OS9: variants seen among roughly 807,000 people sequenced by gnomAD.
OS9 encodes protein OS-9.
A neutral mutation model predicts 84.7 loss-of-function variants in OS9; 58 were observed. That is an observed-to-expected ratio of 0.68 (90% CI 0.55 to 0.85). OS9 has a LOEUF of 0.85. Among genes scored for constraint, OS9 ranks in the 40% least tolerant of loss-of-function variants. The pLI is 0.00. For synonymous variants in OS9, 278 were observed against 320.8 expected, an observed-to-expected ratio of 0.87 and a Z score of 1.43; for missense variants, 760 against 850.9, an observed-to-expected ratio of 0.89 and a Z score of 1.33.
rs536153334 is a variant in OS9, at chr12:57,708,817, G to A, written c.580-6943G>A. Among the ~76,000 whole-genome samples, 4 of 152,288 alleles carry A rather than the reference G, an allele frequency of 2.6e-5. No homozygotes were observed. In the South Asian group the frequency reaches 6.2e-4, roughly 24 times the overall value. ...GGATATGTAAATTGAGTTCCTGGAA[G>A]TAAGTTTGTGTAGTTTTGCTATGTG... On this transcript the variant is annotated intron_variant, in intron 5 of 14. Transcript: ENST00000315970.
intron 5 of OS9, among the ~76,000 whole-genome samples, chr12:57,705,800 G>A (rs1024091459): frequency 1.3e-5 from 2 of 152,122 alleles, no homozygotes; most frequent in Non-Finnish European, 2.9e-5. Flanking sequence ...TGGGATTACA[G>A]GCAATGAGCC....
intron 5 of OS9, among the ~76,000 whole-genome samples, chr12:57,710,051 C>G (rs2140316355): frequency 6.6e-6 from 1 of 152,208 alleles, no homozygotes; most frequent in African/African-American, 2.4e-5. Context: ...TGGGGTTTCG[C>G]CATGTTGGCC....
At chr12:57,703,668 T>G (rs1954085834) in intron 5 of OS9, among the ~76,000 whole-genome samples, 1 of 152,246 alleles carries the variant, frequency 6.6e-6, no homozygotes, top group Non-Finnish European at 1.5e-5. Flanking sequence ...TGTATTAAGA[T>G]TTAAGTCAGG....
chr12:57,694,869 A>T lies in OS9; in HGVS notation c.282A>T (p.Gln94His). The part of the protein sequence containing the change: ...REREEETPAY[Q>H]GPGIPELLSP... ...GGGAGGAGGAAACACCTGCTTACCA[A>T]GGGCCTGGGATCCCTGAGTTGTTGA... Residue 94 changes from glutamine (Q) to histidine (H), a missense_variant, in exon 2 of 15, where the codon CAA becomes CAT. Coordinates refer to ENST00000315970, the MANE Select transcript of OS9 (RefSeq NM_006812.4). 6.2e-7 allele frequency: 1 copy of T among 1,614,144 alleles called. No individual in the cohort carries two copies. The highest frequency in any genetic ancestry group is 1.1e-5 in the South Asian group (1 of 91,082).
chr12:57,701,517 C>A (rs547837131), intron 5 of OS9, among the ~76,000 whole-genome samples: 1 of 151,816 alleles, frequency 6.6e-6, no homozygotes, highest in South Asian at 2.1e-4. Context: ...CTCAAGTGAT[C>A]CACCCACCTT....
At chr12:57,701,249 C>T (rs561633575) in intron 5 of OS9, among the ~76,000 whole-genome samples, 1 of 144,194 alleles carries the variant, frequency 6.9e-6, no homozygotes, top group Admixed American at 7.0e-5. Context: ...TGACATGGAA[C>T]TCTGGTTGAG....
intron 2 of OS9, chr12:57,695,466 A>G (rs1194915776): frequency 3.6e-6 from 2 of 560,562 alleles, no homozygotes; most frequent in Non-Finnish European, 6.6e-6. Flanking sequence ...ATGTTTCCCT[A>G]ATATAATTGC....
rs968851030 is a variant in OS9 at position 57,719,325 on chromosome 12, G to A, written c.1600+143G>A. 8.1e-5 allele frequency: 54 copies of A among 667,780 alleles called. 1 individual carries two copies. Among genetic ancestry groups the A allele is most frequent in the Non-Finnish European group, 1.0e-4 (40 of 388,866 alleles). 41.4% of individuals were successfully genotyped at this position (667,780 alleles called of 1,614,324 possible). On this transcript the variant is annotated intron_variant, in intron 12 of 14. Coordinates refer to ENST00000315970, the MANE Select transcript of OS9 (RefSeq NM_006812.4). Reference sequence around the variant, plus strand: ...TTTCTGGAACACTGTCCTCACTTGCGCCTGCTTCCCAACACCATCATCCCT... The same window carrying A: ...TTTCTGGAACACTGTCCTCACTTGCACCTGCTTCCCAACACCATCATCCCT...
At chr12:57,714,529 T>C (rs1453326765) in intron 5 of OS9, among the ~76,000 whole-genome samples, 1 of 152,008 alleles carries the variant, frequency 6.6e-6, no homozygotes, top group African/African-American at 2.4e-5. Flanking sequence ...TAAATTTTCA[T>C]CAGTAATGGA....
chr12:57,697,335 G>A (rs1202659519), intron 5 of OS9, among the ~76,000 whole-genome samples: 3 of 152,238 alleles, frequency 2.0e-5, no homozygotes, highest in Non-Finnish European at 4.4e-5. Context: ...AACCTTCAAT[G>A]TTTCTGCCTT....
intron 5 of OS9, among the ~76,000 whole-genome samples, chr12:57,714,480 C>T (rs1954424784): frequency 6.6e-6 from 1 of 152,236 alleles, no homozygotes; most frequent in African/African-American, 2.4e-5. Flanking sequence ...GCTGGGATTA[C>T]AGGTGTGAGC....
chr12:57,710,305 C>T lies in OS9; in HGVS notation c.580-5455C>T, dbSNP rs528039206. Among the ~76,000 whole-genome samples, 35 of 152,244 alleles carry T rather than the reference C, an allele frequency of 2.3e-4. No homozygotes were observed. In the South Asian group the frequency reaches 6.6e-3, roughly 29 times the overall value. On this transcript the variant is annotated intron_variant, in intron 5 of 14. Coordinates refer to ENST00000315970, the MANE Select transcript of OS9 (RefSeq NM_006812.4). ...TTATTGGCATAAAGTTCATTGTATT[C>T]TTCTATCTTTTTAATCTCTGTGGCA... is the stretch of plus-strand genomic sequence containing the variant.
intron 12 of OS9, 78 bp downstream of exon 12, chr12:57,719,260 C>T: frequency 2.4e-6 from 3 of 1,241,654 alleles, no homozygotes; most frequent in Non-Finnish European, 3.4e-6. Context: ...CAGAGGGGAC[C>T]CTGTTCCTTC....
chr12:57,718,050 C>A (rs897476409), intron 10 of OS9, 92 bp downstream of exon 10: 234 of 1,516,810 alleles, frequency 1.5e-4, no homozygotes, highest in Middle Eastern at 1.7e-4. Flanking sequence ...CTCCTGGGTC[C>A]CCCAGTACCA....
At chr12:57,712,948 C>T (rs1954374595) in intron 5 of OS9, among the ~76,000 whole-genome samples, 1 of 152,064 alleles carries the variant, frequency 6.6e-6, no homozygotes, top group African/African-American at 2.4e-5. Context: ...CATTCATTGC[C>T]AACTAATTGC....
At chr12:57,706,568 A>C (rs1954172857) in intron 5 of OS9, among the ~76,000 whole-genome samples, 1 of 152,084 alleles carries the variant, frequency 6.6e-6, no homozygotes, top group African/African-American at 2.4e-5. Context: ...AAGGTTAGGT[A>C]GGGTCGGGTG....
At position 57,720,979 on chromosome 12, in the gene OS9, C is replaced by T; in HGVS notation, c.*70C>T. The T allele has an allele frequency of 1.3e-6, 2 of 1,571,358 alleles. No individual in the cohort carries two copies. The highest frequency in any genetic ancestry group is 1.7e-6 in the Non-Finnish European group (2 of 1,145,060). On this transcript the variant is annotated 3_prime_UTR_variant, in exon 15 of 15. Coordinates refer to ENST00000315970, the MANE Select transcript of OS9 (RefSeq NM_006812.4). ...GGACTGGCTTGCCTCCTCCCCACCT[C>T]CCCACCCTGGAACCCCTGAGGGCCA...
intron 5 of OS9, among the ~76,000 whole-genome samples, chr12:57,698,307 C>G (rs932662392): frequency 6.6e-6 from 1 of 151,944 alleles, no homozygotes; most frequent in Admixed American, 6.6e-5. Flanking sequence ...CGTTATAGCA[C>G]TTCATTGTAT....
intron 5 of OS9, among the ~76,000 whole-genome samples, chr12:57,708,852 G>C (rs1008508433): frequency 6.6e-6 from 1 of 152,150 alleles, no homozygotes; most frequent in East Asian, 1.9e-4. Flanking sequence ...GCTGCAGTAA[G>C]TTTGTGTAAT....
Sources: gnomAD v4.1 joint callset for allele counts (sites outside exome capture counted in the v4.1 genomes callset) on GRCh38, gnomAD v4.1.1 for gene constraint, MANE v1.5 for transcripts, NCBI Gene and HGNC (gene_info 2026-07-23, HGNC 2026-07-21) for gene names.